The following STK33 variants were observed in gnomAD, a reference collection of about 807,000 sequenced individuals.
The protein encoded by STK33 is serine/threonine-protein kinase 33.
Under a neutral mutation model 58.0 loss-of-function variants are expected in STK33, and 52 were observed. The ratio of observed to expected loss-of-function variants is 0.90; its 90% CI spans 0.72 to 1.13. The LOEUF is 1.13. Ranked by LOEUF, STK33 falls within the 50% of genes most tolerant of loss-of-function variation. The probability of loss-of-function intolerance (pLI) is 0.00; values close to 1 mark genes in which losing one functional copy is unlikely to be tolerated. For synonymous variants in STK33, 215 were observed against 200.1 expected (o/e 1.07, Z -0.63); for missense variants, 630 against 604.2 (o/e 1.04, Z -0.45).
chr11:8,424,660 G>C (rs1343884244), intron 14 of STK33, among the ~76,000 whole-genome samples: 1 of 148,924 alleles, frequency 6.7e-6, no homozygotes, highest in East Asian at 2.0e-4. Context: ...GTTGTTTCCT[G>C]ACTTTTTAAT....
At chr11:8,525,676 G>A (rs1190364212) in intron 1 of STK33, among the ~76,000 whole-genome samples, 3 of 152,060 alleles carry the variant, frequency 2.0e-5, no homozygotes, top group African/African-American at 7.2e-5. Flanking sequence ...TTATGACCCT[G>A]GGGTACAAAA....
At chr11:8,453,190 T>C (rs545695721) in intron 10 of STK33, among the ~76,000 whole-genome samples, 166 of 152,340 alleles carry the variant, frequency 1.1e-3, no homozygotes, top group African/African-American at 3.7e-3. Context: ...ACATGAGAAG[T>C]TGTATTTTGA....
In STK33 at chr11:8,392,596, T is replaced by C. The variant is rs770821592; in HGVS notation, c.1459A>G (p.Lys487Glu). 2 of 1,614,104 alleles carry C rather than the reference T, an allele frequency of 1.2e-6. No homozygotes were observed. Among genetic ancestry groups the C allele is most frequent in the African/African-American group, 2.7e-5 (2 of 74,930 alleles). The change falls in exon 16 of 16, where the codon AAA becomes GAA. Residue 487 changes from lysine (K) to glutamate (E), a missense_variant. Physicochemically the swap from Lys to Glu is moderately conservative, Grantham distance 56. Transcript: ENST00000687296. ...LPAEIKGEME[K>E]TPVTPSQGTA... ...CCTTGGCTTGGAGTCACAGGGGTTTTCTCCATTTCTCCCTTGATTTCAGCT... is the reference window on the plus strand; with the variant it reads ...CCTTGGCTTGGAGTCACAGGGGTTTCCTCCATTTCTCCCTTGATTTCAGCT...
intron 1 of STK33, among the ~76,000 whole-genome samples, chr11:8,562,975 A>G (rs1300726603): frequency 2.0e-5 from 3 of 152,180 alleles, no homozygotes; most frequent in East Asian, 3.8e-4. Context: ...AGCAGAGATT[A>G]GAGTCCCCAA....
intron 1 of STK33, among the ~76,000 whole-genome samples, chr11:8,522,949 G>A (rs557300541): frequency 1.4e-4 from 21 of 152,288 alleles, no homozygotes; most frequent in South Asian, 4.1e-4. Context: ...GCGCCACCAC[G>A]CCTGACTGGT....
At chr11:8,397,225 C>A (rs569720114) in intron 15 of STK33, among the ~76,000 whole-genome samples, 2 of 152,364 alleles carry the variant, frequency 1.3e-5, no homozygotes, top group East Asian at 3.9e-4. Context: ...TAGGGGCAGA[C>A]TGACACCTCA....
chr11:8,552,002 CCT>C (rs527783848), intron 1 of STK33, among the ~76,000 whole-genome samples: 2 of 152,184 alleles, frequency 1.3e-5, no homozygotes, highest in Non-Finnish European at 2.9e-5. Context: ...GCTCAGTGCC[CCT>C]GTGTGCCCCC....
At chr11:8,562,518 C>G (rs1016358668) in intron 1 of STK33, among the ~76,000 whole-genome samples, 1 of 152,098 alleles carries the variant, frequency 6.6e-6, no homozygotes, top group South Asian at 2.1e-4. Context: ...CAGTGTATAA[C>G]AGAATTTAGC....
intron 1 of STK33, among the ~76,000 whole-genome samples, chr11:8,500,794 A>G (rs1304136596): frequency 1.3e-5 from 2 of 152,218 alleles, no homozygotes; most frequent in Non-Finnish European, 2.9e-5. Context: ...CTTCAAAACT[A>G]TAGTAATCCA....
chr11:8,467,247 G>A (rs1948296991), intron 6 of STK33: 1 of 152,154 alleles, frequency 6.6e-6, no homozygotes, highest in African/African-American at 2.4e-5. Context: ...TGCATTGTCA[G>A]GCTGCAAATT....
intron 11 of STK33, among the ~76,000 whole-genome samples, chr11:8,441,232 T>G (rs762915927): frequency 2.0e-5 from 3 of 152,172 alleles, no homozygotes; most frequent in Non-Finnish European, 4.4e-5. Flanking sequence ...GAATATGAAC[T>G]ATTTTCTGCA....
chr11:8,455,546 C>A (rs1025211013), intron 9 of STK33, among the ~76,000 whole-genome samples: 1 of 152,134 alleles, frequency 6.6e-6, no homozygotes, highest in East Asian at 1.9e-4. Context: ...CAGTGGCTTG[C>A]GCCTATAATC....
chr11:8,441,318 T>TA (rs1944710555), intron 11 of STK33, among the ~76,000 whole-genome samples: 1 of 151,914 alleles, frequency 6.6e-6, no homozygotes, highest in Non-Finnish European at 1.5e-5. Flanking sequence ...TCACAGGACA[T>TA]AGACTATACT....
At chr11:8,378,463 A>G in the STK33 span, among the ~76,000 whole-genome samples, 159 of 152,370 alleles carry the variant, frequency 1.0e-3, no homozygotes, top group African/African-American at 3.8e-3. Context: ...GGTTGCAGTG[A>G]GTCAAGATCG....
chr11:8,364,273 C>T, the STK33 span, among the ~76,000 whole-genome samples: 2 of 152,224 alleles, frequency 1.3e-5, no homozygotes, highest in East Asian at 1.9e-4. Flanking sequence ...ACGTTGGAGT[C>T]GAATTTTACT....
chr11:8,409,789 G>T (rs1356953490), intron 15 of STK33, among the ~76,000 whole-genome samples: 2 of 151,954 alleles, frequency 1.3e-5, no homozygotes, highest in Non-Finnish European at 2.9e-5. Flanking sequence ...AGCATTAATG[G>T]CTAACATTAA....
chr11:8,418,964 A>G (rs1408615612), intron 14 of STK33, among the ~76,000 whole-genome samples: 2 of 151,396 alleles, frequency 1.3e-5, no homozygotes, highest in Non-Finnish European at 2.9e-5. Flanking sequence ...TCGTGAATTT[A>G]ATTTCCTTTT....
chr11:8,371,676 CCT>C, the STK33 span, among the ~76,000 whole-genome samples: 3 of 147,888 alleles, frequency 2.0e-5, no homozygotes, highest in Non-Finnish European at 3.0e-5. Flanking sequence ...CCTTTCTCTC[CCT>C]CTTTCTTCTT....
At chr11:8,341,771 GAC>G in the STK33 span, among the ~76,000 whole-genome samples, 1 of 152,194 alleles carries the variant, frequency 6.6e-6, no homozygotes, top group Non-Finnish European at 1.5e-5. Flanking sequence ...ACTTTCAAAA[GAC>G]ACACCACCTC....
Sources: allele counts gnomAD v4.1 joint callset (sites outside exome capture counted in the v4.1 genomes callset), GRCh38; gene constraint gnomAD v4.1.1; transcripts MANE v1.5; gene names NCBI Gene and HGNC (gene_info 2026-07-23, HGNC 2026-07-21).